The following CENPP variants were observed in gnomAD, a reference collection of about 807,000 sequenced individuals.
The protein encoded by CENPP is centromere protein P.
In CENPP, 24 loss-of-function variants were observed where a neutral mutation model predicts 35.6. The observed-to-expected ratio is 0.67, with a 90% confidence interval of 0.49 to 0.95. The LOEUF (loss-of-function observed/expected upper bound fraction) is 0.95. CENPP is among the 40% of genes least tolerant of loss of function. The pLI is 0.00. For missense variants in CENPP, 332 were observed against 345.3 expected (o/e 0.96, Z 0.31); for synonymous variants, 120 against 125.5 (o/e 0.96, Z 0.29).
At chr9:92,351,475 CAAAA>C (rs34297687) in intron 4 of CENPP, among the ~76,000 whole-genome samples, 1 of 132,542 alleles carries the variant, frequency 7.5e-6, no homozygotes, top group Non-Finnish European at 1.7e-5. Context: ...GAGACTATCT[CAAAA>C]AAAAAAAAAA....
intron 5 of CENPP, among the ~76,000 whole-genome samples, chr9:92,469,870 GTTTGTT>G (rs1845445867): frequency 6.6e-6 from 1 of 152,146 alleles, no homozygotes; most frequent in African/African-American, 2.4e-5. Context: ...GATTTTTTTG[GTTTGTT>G]TTTGTTTTTA....
At chr9:92,405,631 A>C (rs1418091523) in intron 5 of CENPP, among the ~76,000 whole-genome samples, 3 of 152,210 alleles carry the variant, frequency 2.0e-5, no homozygotes. Flanking sequence ...TATAATAATG[A>C]AACAACAGAC....
chr9:92,542,119 G>A (rs2131310467), intron 5 of CENPP, among the ~76,000 whole-genome samples: 1 of 152,044 alleles, frequency 6.6e-6, no homozygotes, highest in South Asian at 2.1e-4. Context: ...TGAGATTAGT[G>A]GGATTGTTAG....
chr9:92,511,283 G>T (rs184418651), intron 5 of CENPP, among the ~76,000 whole-genome samples: 218 of 152,018 alleles, frequency 1.4e-3, no homozygotes, highest in African/African-American at 4.8e-3. Context: ...ATGCCACCAC[G>T]CTCGGCTAAT....
intron 5 of CENPP, among the ~76,000 whole-genome samples, chr9:92,554,380 A>C (rs1380577892): frequency 6.6e-6 from 1 of 151,922 alleles, no homozygotes. Flanking sequence ...ATGGGGTTTC[A>C]CCATTTTGGT....
At chr9:92,456,906 G>T in intron 5 of CENPP, 1 of 999,726 alleles carries the variant, frequency 1.0e-6, no homozygotes, top group Non-Finnish European at 1.2e-6. Context: ...AACAGCAAAT[G>T]AAAGAGCACA....
intron 5 of CENPP, chr9:92,517,758 A>G: frequency 6.2e-7 from 1 of 1,614,222 alleles, no homozygotes; most frequent in Non-Finnish European, 8.5e-7. Flanking sequence ...GGGATGGCAC[A>G]TGGTTTCATC....
intron 5 of CENPP, among the ~76,000 whole-genome samples, chr9:92,392,583 C>T (rs1163985917): frequency 6.6e-6 from 1 of 151,728 alleles, no homozygotes; most frequent in African/African-American, 2.4e-5. Flanking sequence ...CCACTCTACT[C>T]CAGCCTGGGC....
At chr9:92,600,274 T>C (rs1426953896) in intron 5 of CENPP, 4 of 1,426,228 alleles carry the variant, frequency 2.8e-6, no homozygotes, top group Non-Finnish European at 3.7e-6. Context: ...TCTCCTGCCC[T>C]GGCTCTCTTC....
At chr9:92,474,739 G>C (rs1564341899) in intron 5 of CENPP, 5 of 1,511,100 alleles carry the variant, frequency 3.3e-6, no homozygotes, top group African/African-American at 3.4e-5. Flanking sequence ...AAAGAGAGTT[G>C]TCCTCATCAT....
chr9:92,555,214 ATTTTTTTTTTTTTTTTTT>A (rs34701393), intron 5 of CENPP, among the ~76,000 whole-genome samples: 5,795 of 63,752 alleles, frequency 0.091, 267 homozygotes, highest in South Asian at 0.25. Context: ...TTTTTTGGAA[ATTTTTTTTTTTTTTTTTT>A]TTTTTTTTTT....
At chr9:92,506,891 T>A (rs778399915) in intron 5 of CENPP, among the ~76,000 whole-genome samples, 1 of 151,814 alleles carries the variant, frequency 6.6e-6, no homozygotes, top group Admixed American at 6.6e-5. Context: ...GAGGGCCTTT[T>A]TTTACATTTT....
intron 5 of CENPP, among the ~76,000 whole-genome samples, chr9:92,526,593 C>A (rs1848424996): frequency 6.7e-6 from 1 of 148,448 alleles, no homozygotes; most frequent in African/African-American, 2.5e-5. Context: ...GAATAGAAAC[C>A]AAAAAAACTA....
At position 92,460,476 on chromosome 9, in the gene CENPP, T is replaced by C. The variant is rs776451841; in HGVS notation, c.564+80617T>C. 26 of 1,580,308 alleles carry C rather than the reference T, an allele frequency of 1.6e-5. No individual in the cohort carries two copies. In the Admixed American group the frequency reaches 3.9e-4, roughly 23 times the overall value. On this transcript the variant is annotated intron_variant, in intron 5 of 7. Coordinates refer to ENST00000375587, the MANE Select transcript of CENPP (RefSeq NM_001012267.3). ...GTTAAAATTTTGGGAACGTTTACCTTTGTAGTTCTTTGTATCGTTTAAAAT... is the reference window on the plus strand; with the variant it reads ...GTTAAAATTTTGGGAACGTTTACCTCTGTAGTTCTTTGTATCGTTTAAAAT...
chr9:92,608,573 C>T (rs755275533), intron 5 of CENPP, among the ~76,000 whole-genome samples: 7 of 152,192 alleles, frequency 4.6e-5, no homozygotes, highest in African/African-American at 1.2e-4. Flanking sequence ...TACCCCTGTT[C>T]ACAGCTTTTC....
At chr9:92,400,805 G>A (rs1232311840) in intron 5 of CENPP, among the ~76,000 whole-genome samples, 2 of 152,148 alleles carry the variant, frequency 1.3e-5, no homozygotes, top group African/African-American at 2.4e-5. Context: ...CAAATAATCC[G>A]TGTTTAAGTA....
chr9:92,571,961 T>G (rs1850154965), intron 5 of CENPP, among the ~76,000 whole-genome samples: 1 of 152,050 alleles, frequency 6.6e-6, no homozygotes, highest in South Asian at 2.1e-4. Flanking sequence ...CTCCATTCCT[T>G]TATTTTGAGC....
At chr9:92,331,445 G>A (rs1840744038) in intron 1 of CENPP, among the ~76,000 whole-genome samples, 1 of 152,328 alleles carries the variant, frequency 6.6e-6, no homozygotes, top group African/African-American at 2.4e-5. Flanking sequence ...TTCCCAAAGT[G>A]CTGGGATTAC....
chr9:92,345,299 A>G (rs1841258142), intron 3 of CENPP, among the ~76,000 whole-genome samples: 1 of 151,888 alleles, frequency 6.6e-6, no homozygotes, highest in Admixed American at 6.6e-5. Flanking sequence ...ATCCTGGCCG[A>G]CATGGTGAAA....
Sources: allele counts gnomAD v4.1 joint callset (sites outside exome capture counted in the v4.1 genomes callset), GRCh38; gene constraint gnomAD v4.1.1; transcripts MANE v1.5; gene names NCBI Gene and HGNC (gene_info 2026-07-23, HGNC 2026-07-21).